The following PKP4 variants were observed in gnomAD, a reference collection of about 807,000 sequenced individuals.
PKP4 encodes plakophilin 4, also known as plakophilin-4.
In PKP4, 90 loss-of-function variants were observed where a neutral mutation model predicts 145.1. The observed-to-expected ratio is 0.62, with a 90% CI of 0.52 to 0.74. The LOEUF is 0.74. PKP4 is among the 30% of genes least tolerant of loss of function. The pLI, the probability that PKP4 is intolerant of heterozygous loss-of-function variation, is 0.00. For synonymous variants in PKP4, 563 were observed against 577.2 expected (o/e 0.98, Z 0.35); for missense variants, 1,340 against 1,482.7 (o/e 0.90, Z 1.58).
intron 1 of PKP4, among the ~76,000 whole-genome samples, chr2:158,523,054 A>AG (rs1199045916): frequency 6.6e-6 from 1 of 151,990 alleles, no homozygotes. Flanking sequence ...AGGCTGGGGG[A>AG]GGGGCGCCCG....
chr2:158,573,376 C>A (rs997190282), intron 2 of PKP4, among the ~76,000 whole-genome samples: 6 of 151,586 alleles, frequency 4.0e-5, no homozygotes, highest in Non-Finnish European at 8.8e-5. Context: ...ATATTAAGCA[C>A]CAAATTTAGG....
At chr2:158,462,315 C>A (rs1689893206) in intron 1 of PKP4, among the ~76,000 whole-genome samples, 1 of 151,358 alleles carries the variant, frequency 6.6e-6, no homozygotes, top group Non-Finnish European at 1.5e-5. Context: ...TTATATTGAT[C>A]TAAGTTATAT....
intron 1 of PKP4, among the ~76,000 whole-genome samples, chr2:158,461,281 G>A (rs772505648): frequency 4.6e-5 from 7 of 152,098 alleles, no homozygotes; most frequent in Admixed American, 6.6e-5. Context: ...TTAAACTTAG[G>A]AATGTTGCAG....
intron 2 of PKP4, among the ~76,000 whole-genome samples, chr2:158,573,361 TGTGA>T (rs1333931263): frequency 2.0e-5 from 3 of 152,204 alleles, no homozygotes; most frequent in Non-Finnish European, 4.4e-5. Context: ...AAAATACTCA[TGTGA>T]ATATTAAGCA....
intron 21 of PKP4, among the ~76,000 whole-genome samples, chr2:158,680,128 C>T (rs373942399): frequency 1.3e-5 from 2 of 152,184 alleles, no homozygotes; most frequent in East Asian, 1.9e-4. Flanking sequence ...ACAGCAGGGC[C>T]TCCAGTAAAG....
Position 158,663,465 on chromosome 2 carries a change from T to A in PKP4, c.2577+20T>A, listed in dbSNP as rs1386477532. 6.3e-7 allele frequency: 1 copy of A among 1,596,562 alleles called. No homozygotes were observed. ...TGGAAGGTAGGATGACTTCCACTTA[T>A]CTACACTTCTTTCCATCTTTGCAAA... On this transcript the variant is annotated intron_variant, in intron 15 of 21. Coordinates refer to ENST00000389759, the MANE Select transcript of PKP4 (RefSeq NM_003628.6).
At chr2:158,672,625 C>CTGTG (rs777932448) in intron 17 of PKP4, among the ~76,000 whole-genome samples, 1 of 152,206 alleles carries the variant, frequency 6.6e-6, no homozygotes, top group African/African-American at 2.4e-5. Context: ...GAAATTTCAT[C>CTGTG]TGTGTTTATT....
At chr2:158,518,854 T>G (rs2042128349) in intron 1 of PKP4, among the ~76,000 whole-genome samples, 2 of 152,236 alleles carry the variant, frequency 1.3e-5, no homozygotes, top group African/African-American at 2.4e-5. Flanking sequence ...AGGTGTCTGA[T>G]GCTAATTTGA....
intron 1 of PKP4, among the ~76,000 whole-genome samples, chr2:158,485,652 T>A (rs1694057713): frequency 6.6e-6 from 1 of 152,176 alleles, no homozygotes. Flanking sequence ...GAGAATAGGG[T>A]CTCTTTTATA....
intron 12 of PKP4, 133 bp from the exon 13 acceptor site, chr2:158,661,200 G>GC: frequency 1.6e-6 from 1 of 609,098 alleles, no homozygotes; most frequent in Non-Finnish European, 3.0e-6. Context: ...TACCATGCAA[G>GC]CCCCCAGTGC....
intron 2 of PKP4, among the ~76,000 whole-genome samples, chr2:158,535,919 G>T (rs138027424): frequency 1.7e-3 from 263 of 152,236 alleles, no homozygotes; most frequent in Non-Finnish European, 2.6e-3. Flanking sequence ...ACCTTGGAAA[G>T]ATTTCTTAAC....
At chr2:158,634,747 C>T (rs185223346) in intron 9 of PKP4, among the ~76,000 whole-genome samples, 25 of 152,306 alleles carry the variant, frequency 1.6e-4, no homozygotes, top group Non-Finnish European at 2.6e-4. Context: ...CAATATATAA[C>T]GCTGTTATTA....
At chr2:158,630,690 G>A (rs556981402) in intron 7 of PKP4, among the ~76,000 whole-genome samples, 1 of 152,334 alleles carries the variant, frequency 6.6e-6, no homozygotes, top group African/African-American at 2.4e-5. Flanking sequence ...TGCCCAGAGA[G>A]AAGCTGATTG....
At chr2:158,668,321 A>T (rs1166160203) in intron 16 of PKP4, among the ~76,000 whole-genome samples, 1 of 152,038 alleles carries the variant, frequency 6.6e-6, no homozygotes, top group Non-Finnish European at 1.5e-5. Flanking sequence ...GTTCCTAGGA[A>T]CCTTCCCCTT....
chr2:158,531,205 TA>T (rs1190638561), intron 1 of PKP4, among the ~76,000 whole-genome samples: 1 of 152,248 alleles, frequency 6.6e-6, no homozygotes, highest in East Asian at 1.9e-4. Flanking sequence ...AGGCTCCTTC[TA>T]TATTAATAAA....
intron 1 of PKP4, among the ~76,000 whole-genome samples, chr2:158,525,909 G>T (rs868434588): frequency 2.7e-5 from 4 of 150,498 alleles, no homozygotes; most frequent in Non-Finnish European, 5.9e-5. Flanking sequence ...TCCTCGACAC[G>T]TACACTCTCC....
chr2:158,483,351 C>G (rs1329064798), intron 1 of PKP4, among the ~76,000 whole-genome samples: 1 of 138,422 alleles, frequency 7.2e-6, no homozygotes, highest in African/African-American at 2.7e-5. Context: ...AAACAGATTG[C>G]TCTTCATTGC....
intron 6 of PKP4, among the ~76,000 whole-genome samples, chr2:158,623,196 A>G (rs903814777): frequency 1.3e-5 from 2 of 152,114 alleles, no homozygotes; most frequent in African/African-American, 4.8e-5. Flanking sequence ...AATAGAGACA[A>G]GGTCTCACTC....
intron 7 of PKP4, among the ~76,000 whole-genome samples, chr2:158,630,616 A>G (rs2053255018): frequency 6.6e-6 from 1 of 152,258 alleles, no homozygotes; most frequent in African/African-American, 2.4e-5. Context: ...GCCTTTACCA[A>G]GTACATTATA....
Sources: gnomAD v4.1 joint callset for allele counts (sites outside exome capture counted in the v4.1 genomes callset) on GRCh38, gnomAD v4.1.1 for gene constraint, MANE v1.5 for transcripts, NCBI Gene and HGNC (gene_info 2026-07-23, HGNC 2026-07-21) for gene names.